PTGFRN: variants seen among roughly 807,000 people sequenced by gnomAD.
PTGFRN encodes the protein prostaglandin F2 receptor negative regulator.
PTGFRN carries 35 observed loss-of-function variants against 83.2 expected under a neutral mutation model. The observed-to-expected ratio is 0.42, with a 90% CI of 0.32 to 0.56. PTGFRN has a LOEUF of 0.56. Ranked by LOEUF, PTGFRN falls within the 20% of genes least tolerant of loss-of-function variation. PTGFRN has a pLI of 0.11. For synonymous variants in PTGFRN, 519 were observed against 498.6 expected, an observed-to-expected ratio of 1.04 and a Z score of -0.55; for missense variants, 1,051 against 1,179.5, an observed-to-expected ratio of 0.89 and a Z score of 1.60.
At chr1:116,982,439 C>G (rs1557751150) in intron 7 of PTGFRN, among the ~76,000 whole-genome samples, 1 of 152,050 alleles carries the variant, frequency 6.6e-6, no homozygotes, top group African/African-American at 2.4e-5. Flanking sequence ...AGGGAATGCT[C>G]TTTTGTGAAG....
At chr1:116,971,615 C>T (rs751919131) in intron 6 of PTGFRN, among the ~76,000 whole-genome samples, 7 of 152,156 alleles carry the variant, frequency 4.6e-5, no homozygotes, top group Non-Finnish European at 1.0e-4. Context: ...TAACAGTGAG[C>T]TGCTGATTTC....
chr1:116,946,416 GGTTA>G (rs1157990698), intron 3 of PTGFRN, among the ~76,000 whole-genome samples: 10 of 152,278 alleles, frequency 6.6e-5, no homozygotes, highest in African/African-American at 2.4e-4. Context: ...GATGGACTTA[GGTTA>G]CCTTCCTGAT....
At chr1:116,913,690 G>A (rs148881035) in intron 1 of PTGFRN, among the ~76,000 whole-genome samples, 1 of 152,336 alleles carries the variant, frequency 6.6e-6, no homozygotes, top group East Asian at 1.9e-4. Flanking sequence ...TTACGAATAG[G>A]ATATATAACT....
rs149729867 is a variant in PTGFRN, at chr1:116,967,081, T to C, written c.1810T>C (p.Tyr604His). The stretch of plus-strand genomic sequence containing the variant: ...CCTCTCCAGTCCCAATGAAACGAAG[T>C]ACATCATCTCTCTGGACCAGGATTC... ...GDLSSPNETK[Y>H]IISLDQDSVV... Residue 604 changes from tyrosine (Y) to histidine (H), a missense_variant, in exon 6 of 9, where the codon TAC becomes CAC. Physicochemically the swap from Tyr to His is moderately conservative, Grantham distance 83. Coordinates refer to ENST00000393203, the MANE Select transcript of PTGFRN (RefSeq NM_020440.4). 2.3e-3 allele frequency: 3,649 copies of C among 1,614,248 alleles called. 5 individuals are homozygous for C. Among genetic ancestry groups the C allele is most frequent in the Non-Finnish European group, 2.7e-3 (3,225 of 1,180,038 alleles).
At chr1:116,950,413 T>A (rs1394301302) in intron 4 of PTGFRN, among the ~76,000 whole-genome samples, 1 of 148,616 alleles carries the variant, frequency 6.7e-6, no homozygotes, top group Non-Finnish European at 1.5e-5. Context: ...GGGACAGGCC[T>A]TTCATCACAT....
Position 116,961,578 on chromosome 1 carries a change from G to T in PTGFRN, c.1549G>T (p.Val517Leu). The T allele has an allele frequency of 1.2e-6, 2 of 1,614,214 alleles. No individual in the cohort carries two copies. Among genetic ancestry groups the T allele is most frequent in the Non-Finnish European group, 1.7e-6 (2 of 1,180,044 alleles). ...AGACAGAGGCAATTATTACTGTGTT[G>T]TGTCTGCCTGGACCAAACAGCGGAA... ...EEDRGNYYCV[V>L]SAWTKQRNNS... The change falls in exon 5 of 9, where the codon GTG (valine) becomes TTG (leucine). Residue 517 changes from valine to leucine, a missense_variant. By Grantham distance (32) the Val-to-Leu change is conservative (BLOSUM62 1). Transcript: ENST00000393203. The surrounding 1 kb of genome is among the most constrained non-coding windows in gnomAD (Gnocchi z 5.4).
In PTGFRN at chr1:116,910,151, G is replaced by A. The variant is rs1431289059; in HGVS notation, c.-53G>A. 2 of 1,509,696 alleles carry A rather than the reference G, an allele frequency of 1.3e-6. No homozygotes were observed. The highest frequency in any genetic ancestry group is 2.6e-5 in the East Asian group (1 of 38,592). 93.5% of individuals were successfully genotyped at this position (1,509,696 alleles called of 1,614,324 possible). A position where few individuals can be genotyped will look rare whatever the true frequency, so the allele number is the denominator to read the frequency against. On this transcript the variant is annotated 5_prime_UTR_variant, in exon 1 of 9. Coordinates refer to ENST00000393203, the MANE Select transcript of PTGFRN (RefSeq NM_020440.4). The stretch of plus-strand genomic sequence containing the variant: ...GCCGGAGCTGGAAGAGGAGGAGGAG[G>A]AGAGGCGGCGGGGAAGGAGGAGGAG...
In PTGFRN at chr1:116,948,628, C is replaced by T. The variant is rs73014727; in HGVS notation, c.833-564C>T. Reference sequence around the variant, plus strand: ...CACTTCTGCTGCCTTATTGCCTAGCCCCCAGCTAACAATATGTACCAGTCA... The same window carrying T: ...CACTTCTGCTGCCTTATTGCCTAGCTCCCAGCTAACAATATGTACCAGTCA... On this transcript the variant is annotated intron_variant, in intron 3 of 8. Transcript: ENST00000393203. Among the ~76,000 whole-genome samples the T allele has an allele frequency of 5.1e-3, 775 of 152,256 alleles. 5 individuals are homozygous for T. The highest frequency in any genetic ancestry group is 0.018 in the African/African-American group (737 of 41,540).
At chr1:116,930,765 G>T (rs1557960261) in intron 1 of PTGFRN, among the ~76,000 whole-genome samples, 2 of 152,194 alleles carry the variant, frequency 1.3e-5, no homozygotes, top group South Asian at 4.2e-4. Flanking sequence ...CTCCTCTCCA[G>T]TCTGCTCTTG....
intron 5 of PTGFRN, among the ~76,000 whole-genome samples, chr1:116,962,017 C>A (rs1650678382): frequency 1.3e-5 from 2 of 152,210 alleles, no homozygotes; most frequent in South Asian, 4.1e-4. Context: ...GGACAGTTTC[C>A]CCCAGAGCCC....
chr1:116,944,791 G>A lies in PTGFRN; in HGVS notation c.531G>A (p.Leu177=). 1.3e-6 allele frequency: 2 copies of A among 1,566,126 alleles called. No individual in the cohort carries two copies. The highest frequency in any genetic ancestry group is 1.2e-5 in the South Asian group (1 of 86,792). The part of the protein sequence containing the change: ...LRCTAASASP[L]HTHLALLWEV... The stretch of plus-strand genomic sequence containing the variant: ...GCACCGCCGCCTCCGCCTCGCCGCT[G>A]CACACGCACCTGGCGCTGCTGTGGG... The change falls in exon 3 of 9, where the codon CTG becomes CTA. Residue 177 remains leucine, a synonymous_variant. Coordinates refer to ENST00000393203, the MANE Select transcript of PTGFRN (RefSeq NM_020440.4).
At position 116,987,069 on chromosome 1, in the gene PTGFRN, T is replaced by C; in HGVS notation, c.*102T>C. On this transcript the variant is annotated 3_prime_UTR_variant, in exon 9 of 9. Transcript: ENST00000393203. ...CAAAGTGTGTTACACTAAAAACCAG[T>C]CCTCTCTAATCTCAGGTGGGACTTG... The C allele has an allele frequency of 1.5e-6, 2 of 1,368,632 alleles. No individual in the cohort carries two copies. The highest frequency in any genetic ancestry group is 2.0e-6 in the Non-Finnish European group (2 of 995,568). The allele number at this position is 1,368,632 out of a possible 1,614,324, so 84.8% of individuals were successfully genotyped here.
intron 1 of PTGFRN, among the ~76,000 whole-genome samples, chr1:116,926,964 A>G (rs1047929376): frequency 2.0e-5 from 3 of 152,192 alleles, no homozygotes; most frequent in African/African-American, 7.2e-5. Flanking sequence ...GAATCTGGAA[A>G]CCAGGCAGAG....
chr1:116,983,598 A>G (rs1651381042), intron 7 of PTGFRN, among the ~76,000 whole-genome samples: 1 of 152,016 alleles, frequency 6.6e-6, no homozygotes, highest in African/African-American at 2.4e-5. Context: ...CTAAGGAAGA[A>G]TTATCATTTG....
chr1:116,934,660 G>A (rs1359303642), intron 1 of PTGFRN, among the ~76,000 whole-genome samples: 1 of 150,750 alleles, frequency 6.6e-6, no homozygotes, highest in Non-Finnish European at 1.5e-5. Context: ...CTGGATCCCT[G>A]GAGGTCTGTT....
At chr1:116,931,348 C>G (rs1649797139) in intron 1 of PTGFRN, among the ~76,000 whole-genome samples, 1 of 152,184 alleles carries the variant, frequency 6.6e-6, no homozygotes, top group South Asian at 2.1e-4. Context: ...CCATACGTGC[C>G]TTAAAAGAAG....
intron 1 of PTGFRN, among the ~76,000 whole-genome samples, chr1:116,927,755 G>A (rs1649692010): frequency 6.6e-6 from 1 of 151,208 alleles, no homozygotes; most frequent in South Asian, 2.1e-4. Context: ...GGCTGGTCTT[G>A]CACTATTGGC....
chr1:116,984,555 G>C (rs1278050408), intron 7 of PTGFRN, 125 bp from the exon 8 acceptor site: 1 of 858,528 alleles, frequency 1.2e-6, no homozygotes, highest in East Asian at 2.6e-5. Context: ...TGAGGATCCA[G>C]TGAGACCGAA....
Position 116,923,100 on chromosome 1 carries a change from T to C in PTGFRN, c.49+12848T>C, listed in dbSNP as rs1482188491. ...GTTTGTGATGATCTGTTTATTAGGA[T>C]GAGCATTTGTGTGTCTCACCCAACC... On this transcript the variant is annotated intron_variant, in intron 1 of 8. Coordinates refer to ENST00000393203, the MANE Select transcript of PTGFRN (RefSeq NM_020440.4). This position sits in a 1 kb window ranked among gnomAD's most constrained non-coding sequence, Gnocchi z 4.0. Among the ~76,000 whole-genome samples the C allele has an allele frequency of 6.6e-6, 1 of 152,220 alleles. No individual in the cohort carries two copies. Among genetic ancestry groups the C allele is most frequent in the African/African-American group, 2.4e-5 (1 of 41,448 alleles).
Sources: gnomAD v4.1 joint callset for allele counts (sites outside exome capture counted in the v4.1 genomes callset) on GRCh38, gnomAD v4.1.1 for gene constraint, Gnocchi (gnomAD v3.1) non-coding constraint, MANE v1.5 for transcripts, NCBI Gene and HGNC (gene_info 2026-07-23, HGNC 2026-07-21) for gene names.